FGF23: variants seen among roughly 807,000 people sequenced by gnomAD.
FGF23 encodes fibroblast growth factor 23.
In FGF23, 8 loss-of-function variants were observed where a neutral mutation model predicts 9.0. That is an observed-to-expected ratio of 0.89 (90% CI 0.52 to 1.60). FGF23 has a LOEUF of 1.60. Ranked by LOEUF, FGF23 falls within the 40% of genes most tolerant of loss-of-function variation. The probability of loss-of-function intolerance (pLI) is 0.00; values close to 1 mark genes in which losing one functional copy is unlikely to be tolerated. For synonymous variants in FGF23, 118 were observed against 146.2 expected (o/e 0.81, Z 1.39); for missense variants, 311 against 344.3 (o/e 0.90, Z 0.77).
rs202117011 is a variant in FGF23 at position 4,369,035 on chromosome 12, T to G, written c.*1308A>C. 4.8e-5 allele frequency: 11 copies of G among 227,504 alleles called. No homozygotes were observed. The South Asian group carries it at 1.6e-3, about 34-fold the overall frequency. The allele number at this position is 227,504 out of a possible 1,614,324, so 14.1% of individuals were successfully genotyped here. On this transcript the variant is annotated 3_prime_UTR_variant, in exon 3 of 3. Transcript: ENST00000237837. Reference sequence around the variant, plus strand: ...GGTCATTTAAAGAGAGGGAGGAAAATGGAGCCCCCTTACAGGAAGAACCGC... The same window carrying G: ...GGTCATTTAAAGAGAGGGAGGAAAAGGGAGCCCCCTTACAGGAAGAACCGC...
intron 1 of FGF23, among the ~76,000 whole-genome samples, chr12:4,373,805 G>A (rs927698856): frequency 2.0e-5 from 3 of 152,102 alleles, no homozygotes; most frequent in Non-Finnish European, 2.9e-5. Flanking sequence ...GGTCTTTGGG[G>A]CTACTTCCAG....
In FGF23 at chr12:4,369,954, G is replaced by A. The variant is rs1424162582; in HGVS notation, c.*389C>T. The A allele has an allele frequency of 5.0e-6, 1 of 200,376 alleles. No homozygotes were observed. Among genetic ancestry groups the A allele is most frequent in the Admixed American group, 5.9e-5 (1 of 16,856 alleles). The allele number at this position is 200,376 out of a possible 1,614,324, so 12.4% of individuals were successfully genotyped here. ...CTTCCCTACACCTTCAAAGTCTTGA[G>A]CTCAGGAACCCACTGCTTTTTTTTT... On this transcript the variant is annotated 3_prime_UTR_variant, in exon 3 of 3. Transcript: ENST00000237837.
chr12:4,372,125 A>G (rs1565456590), intron 2 of FGF23, among the ~76,000 whole-genome samples: 1 of 139,550 alleles, frequency 7.2e-6, no homozygotes, highest in Non-Finnish European at 1.5e-5. Context: ...GAATTGAACA[A>G]TGAGATCACA....
intron 1 of FGF23, among the ~76,000 whole-genome samples, chr12:4,374,211 C>A (rs917170336): frequency 6.6e-6 from 1 of 152,106 alleles, no homozygotes; most frequent in Non-Finnish European, 1.5e-5. Flanking sequence ...CTGAGGGGAA[C>A]CTTGAGGAAA....
chr12:4,374,166 G>A (rs1865093174), intron 1 of FGF23, among the ~76,000 whole-genome samples: 2 of 152,194 alleles, frequency 1.3e-5, no homozygotes, highest in East Asian at 1.9e-4. Context: ...AAGGAAGAGG[G>A]CCAAAGAGAG....
chr12:4,371,589 A>G (rs190708115), intron 2 of FGF23, among the ~76,000 whole-genome samples: 2 of 152,316 alleles, frequency 1.3e-5, no homozygotes, highest in East Asian at 3.9e-4. Flanking sequence ...AAAATCCTCC[A>G]AAAGAGGCCA....
intron 1 of FGF23, among the ~76,000 whole-genome samples, chr12:4,378,426 T>C (rs1865142352): frequency 6.6e-6 from 1 of 152,240 alleles, no homozygotes; most frequent in African/African-American, 2.4e-5. Flanking sequence ...TTTCTTAAAA[T>C]AGAAGATCCA....
At position 4,368,724 on chromosome 12, in the gene FGF23, T is replaced by C. The variant is rs1865029763; in HGVS notation, c.*1619A>G. ...ACTGAGGAGCCTCCAATAGCTATTATGCAGGATAATATTTCCAACAGGAAA... is the reference window on the plus strand; with the variant it reads ...ACTGAGGAGCCTCCAATAGCTATTACGCAGGATAATATTTCCAACAGGAAA... On this transcript the variant is annotated 3_prime_UTR_variant, in exon 3 of 3. Coordinates refer to ENST00000237837, the MANE Select transcript of FGF23 (RefSeq NM_020638.3). The C allele has an allele frequency of 4.9e-6, 1 of 202,548 alleles. No individual in the cohort carries two copies. The highest frequency in any genetic ancestry group is 2.3e-5 in the African/African-American group (1 of 43,640). The allele number at this position is 202,548 out of a possible 1,614,324, so 12.5% of individuals were successfully genotyped here.
chr12:4,370,931 G>C, intron 2 of FGF23, 148 bp from the exon 3 acceptor site: 1 of 742,104 alleles, frequency 1.3e-6, no homozygotes, highest in East Asian at 2.6e-5. Flanking sequence ...GTTCCCTGCT[G>C]GGGTAGAGTG....
At chr12:4,374,794 G>A (rs1865100080) in intron 1 of FGF23, among the ~76,000 whole-genome samples, 1 of 152,100 alleles carries the variant, frequency 6.6e-6, no homozygotes, top group Non-Finnish European at 1.5e-5. Context: ...TATATTGTTA[G>A]TACTGATTAT....
chr12:4,376,929 G>C (rs1443394674), intron 1 of FGF23, among the ~76,000 whole-genome samples: 11 of 151,982 alleles, frequency 7.2e-5, no homozygotes, highest in Non-Finnish European at 5.9e-5. Flanking sequence ...ACATAGACTA[G>C]GAAAAGTAGA....
chr12:4,373,615 G>A (rs895676831), intron 1 of FGF23, among the ~76,000 whole-genome samples: 13 of 152,102 alleles, frequency 8.5e-5, no homozygotes, highest in Non-Finnish European at 2.9e-5. Context: ...TCCGACAAGG[G>A]CCTGAAACCC....
chr12:4,378,780 G>A (rs1442120572), intron 1 of FGF23, among the ~76,000 whole-genome samples: 1 of 151,992 alleles, frequency 6.6e-6, no homozygotes, highest in Non-Finnish European at 1.5e-5. Context: ...ATGGATGCAT[G>A]GACAAATGAA....
In FGF23 at chr12:4,370,151, G is replaced by A. The variant is rs373265746; in HGVS notation, c.*192C>T. On this transcript the variant is annotated 3_prime_UTR_variant, in exon 3 of 3. Coordinates refer to ENST00000237837, the MANE Select transcript of FGF23 (RefSeq NM_020638.3). ...GTGTTCTATATGGAGTGAGGAAGGC[G>A]GTGAAACCCCATGACTTGGGCCTCA... 1.1e-4 allele frequency: 66 copies of A among 604,792 alleles called. No homozygotes were observed. The highest frequency in any genetic ancestry group is 1.9e-4 in the Non-Finnish European group (63 of 338,212). 37.5% of individuals were successfully genotyped at this position (604,792 alleles called of 1,614,324 possible). A position where few individuals can be genotyped will look rare whatever the true frequency, so the allele number is the denominator to read the frequency against.
At chr12:4,371,316 G>C (rs930470652) in intron 2 of FGF23, among the ~76,000 whole-genome samples, 6 of 152,184 alleles carry the variant, frequency 3.9e-5, no homozygotes, top group African/African-American at 1.4e-4. Flanking sequence ...TAATCCTCAA[G>C]CTCCACAAAG....
At position 4,370,494 on chromosome 12, in the gene FGF23, GCCGGGGTCATCCGGGC is replaced by G. The variant is rs1565456042; in HGVS notation, c.589_604del (p.Ala197ProfsTer23). The G allele has an allele frequency of 6.2e-7, 1 of 1,611,766 alleles. No individual in the cohort carries two copies. The highest frequency in any genetic ancestry group is 1.1e-5 in the South Asian group (1 of 91,012). On this transcript the variant is annotated frameshift_variant, in exon 3 of 3. Transcript: ENST00000237837. LOFTEE classifies it low-confidence loss of function (END_TRUNC). ...GAGCTCCTGTGAACAGGAGGCCGGG[GCCGGGGTCATCCGGGC>G]CCGGGGCTTCAGCACGTTCAGGGGG...
At chr12:4,377,461 C>G (rs1329638835) in intron 1 of FGF23, among the ~76,000 whole-genome samples, 4 of 101,438 alleles carry the variant, frequency 3.9e-5, no homozygotes, top group Admixed American at 3.2e-4. Context: ...GATGGAGTCT[C>G]GCTCTGTCAC....
In FGF23 at chr12:4,370,889, C is replaced by T. The variant is rs11063114; in HGVS notation, c.316-106G>A. The T allele has an allele frequency of 2.7e-5, 26 of 952,774 alleles. No homozygotes were observed. The East Asian group carries it at 5.8e-4, about 21-fold the overall frequency. 59.0% of individuals were successfully genotyped at this position (952,774 alleles called of 1,614,324 possible). A position where few individuals can be genotyped will look rare whatever the true frequency, so the allele number is the denominator to read the frequency against. ...TTGTGCCAGCCGGCCTGAAGCTCTG[C>T]AGTTCTTAGGGCGTTGAGCCTTCAC... On this transcript the variant is annotated intron_variant, in intron 2 of 2. Transcript: ENST00000237837.
In FGF23 at chr12:4,369,437, T is replaced by G. The variant is rs557663994; in HGVS notation, c.*906A>C. Reference sequence around the variant, plus strand: ...CTTAATTAAATGCCTCTTAGGAGAGTTGGAATTTATTTCCATTTTGAAAAG... The same window carrying G: ...CTTAATTAAATGCCTCTTAGGAGAGGTGGAATTTATTTCCATTTTGAAAAG... On this transcript the variant is annotated 3_prime_UTR_variant, in exon 3 of 3. Coordinates refer to ENST00000237837, the MANE Select transcript of FGF23 (RefSeq NM_020638.3). 4.3e-6 allele frequency: 1 copy of G among 230,334 alleles called. No homozygotes were observed. Among genetic ancestry groups the G allele is most frequent in the South Asian group, 1.8e-4 (1 of 5,524 alleles). The allele number at this position is 230,334 out of a possible 1,614,324, so 14.3% of individuals were successfully genotyped here.
Sources: allele counts gnomAD v4.1 joint callset (sites outside exome capture counted in the v4.1 genomes callset), GRCh38; gene constraint gnomAD v4.1.1; transcripts MANE v1.5; gene names NCBI Gene and HGNC (gene_info 2026-07-23, HGNC 2026-07-21).